CDYL: variants seen among roughly 807,000 people sequenced by gnomAD.
CDYL encodes chromodomain Y like, also known as chromodomain Y-like protein.
In CDYL, 8 loss-of-function variants were observed where a neutral mutation model predicts 47.3. That is an observed-to-expected ratio of 0.17 (90% confidence interval 0.10 to 0.31). The LOEUF is 0.31. Among genes scored for constraint, CDYL ranks in the 10% least tolerant of loss-of-function variants. The pLI is 1.00. For synonymous variants in CDYL, 266 were observed against 265.0 expected, an observed-to-expected ratio of 1.00 and a Z score of -0.04; for missense variants, 471 against 701.4, an observed-to-expected ratio of 0.67 and a Z score of 3.71.
At chr6:4,921,795 C>CT (rs200973635) in intron 2 of CDYL, among the ~76,000 whole-genome samples, 175 of 147,874 alleles carry the variant, frequency 1.2e-3, no homozygotes, top group Middle Eastern at 3.5e-3. Context: ...ATGCCATATA[C>CT]TTTTTTTTTT....
intron 3 of CDYL, among the ~76,000 whole-genome samples, chr6:4,756,044 C>T (rs935654595): frequency 1.3e-5 from 2 of 152,188 alleles, no homozygotes; most frequent in African/African-American, 2.4e-5. Flanking sequence ...AATATTGCCT[C>T]GTCCTGATTT....
intron 1 of CDYL, among the ~76,000 whole-genome samples, chr6:4,708,143 TGTACACACACAC>T (rs1195384847): frequency 3.4e-5 from 1 of 29,016 alleles, no homozygotes. Flanking sequence ...GTTTGTGTTG[TGTACACACACAC>T]ACACACACAC....
intron 1 of CDYL, among the ~76,000 whole-genome samples, chr6:4,857,540 C>T (rs774958036): frequency 1.3e-5 from 2 of 152,124 alleles, no homozygotes; most frequent in Non-Finnish European, 2.9e-5. Context: ...TTCTTTGTAG[C>T]TTTGTAGGCC....
At chr6:4,798,663 A>G (rs1227681631) in intron 1 of CDYL, among the ~76,000 whole-genome samples, 1 of 152,188 alleles carries the variant, frequency 6.6e-6, no homozygotes, top group African/African-American at 2.4e-5. Flanking sequence ...ATTTCACATC[A>G]CAGTTAATGC....
In CDYL at chr6:4,776,709, A is replaced by G; in HGVS notation, c.-75A>G. On this transcript the variant is annotated 5_prime_UTR_variant, in exon 1 of 7. Transcript: ENST00000397588. ...GCGCAGGCCACGCAGGACCCAACTG[A>G]AACAAAGTGTCGGCCGCCCGGCGCC... The G allele has an allele frequency of 8.0e-7, 1 of 1,257,686 alleles. No homozygotes were observed. The highest frequency in any genetic ancestry group is 1.0e-6 in the Non-Finnish European group (1 of 975,572). The allele number at this position is 1,257,686 out of a possible 1,614,324, so 77.9% of individuals were successfully genotyped here. A position where few individuals can be genotyped will look rare whatever the true frequency, so the allele number is the denominator to read the frequency against.
At chr6:4,923,176 C>T (rs551108870) in intron 2 of CDYL, among the ~76,000 whole-genome samples, 7 of 152,196 alleles carry the variant, frequency 4.6e-5, no homozygotes, top group African/African-American at 7.2e-5. Context: ...CTTATTCCTC[C>T]GGTCTAGCTT....
At chr6:4,953,641 G>C (rs1758777341) in intron 6 of CDYL, among the ~76,000 whole-genome samples, 1 of 152,206 alleles carries the variant, frequency 6.6e-6, no homozygotes, top group African/African-American at 2.4e-5. Flanking sequence ...CGGGGCCGAG[G>C]CTGCTCACAG....
intron 2 of CDYL, among the ~76,000 whole-genome samples, chr6:4,731,305 G>A (rs1417894479): frequency 6.6e-6 from 1 of 152,104 alleles, no homozygotes; most frequent in Non-Finnish European, 1.5e-5. Context: ...TCATCTTTAT[G>A]AGTAGTTAAG....
chr6:4,939,819 C>T (rs1295155678), intron 4 of CDYL, among the ~76,000 whole-genome samples: 1 of 152,232 alleles, frequency 6.6e-6, no homozygotes, highest in Non-Finnish European at 1.5e-5. Context: ...CCTATGGTCA[C>T]TTTGCATGTT....
intron 1 of CDYL, among the ~76,000 whole-genome samples, chr6:4,884,229 G>T (rs546801545): frequency 6.6e-6 from 1 of 152,314 alleles, no homozygotes; most frequent in South Asian, 2.1e-4. Flanking sequence ...ATGTCCAGAA[G>T]CTTCAGGAGA....
At chr6:4,725,591 G>T (rs547614501) in intron 2 of CDYL, among the ~76,000 whole-genome samples, 1 of 152,334 alleles carries the variant, frequency 6.6e-6, no homozygotes, top group African/African-American at 2.4e-5. Context: ...CACCTCCGGG[G>T]CTTGCGGGCG....
chr6:4,947,422 G>A (rs569784220), intron 5 of CDYL, among the ~76,000 whole-genome samples: 1 of 152,302 alleles, frequency 6.6e-6, no homozygotes, highest in Admixed American at 6.5e-5. Flanking sequence ...CCTGGGTGGA[G>A]CTTGTCCACT....
At chr6:4,907,842 G>A (rs924460542) in intron 2 of CDYL, among the ~76,000 whole-genome samples, 2 of 152,142 alleles carry the variant, frequency 1.3e-5, no homozygotes, top group Non-Finnish European at 2.9e-5. Flanking sequence ...AGTAGCTTTT[G>A]CCCTCCTCTA....
chr6:4,922,745 G>C (rs1204827645), intron 2 of CDYL, among the ~76,000 whole-genome samples: 1 of 152,180 alleles, frequency 6.6e-6, no homozygotes, highest in Non-Finnish European at 1.5e-5. Context: ...TCAGTGTTCT[G>C]ATCTGAACCA....
intron 2 of CDYL, among the ~76,000 whole-genome samples, chr6:4,913,338 G>A (rs1195738513): frequency 6.6e-6 from 1 of 152,190 alleles, no homozygotes; most frequent in East Asian, 1.9e-4. Context: ...TTGCTAATCT[G>A]AGCTTCTCTC....
chr6:4,905,539 G>C (rs1290166707), intron 2 of CDYL, among the ~76,000 whole-genome samples: 3 of 152,188 alleles, frequency 2.0e-5, no homozygotes, highest in African/African-American at 7.2e-5. Context: ...GTCGGTGGGA[G>C]AGGATGAACT....
intron 2 of CDYL, among the ~76,000 whole-genome samples, chr6:4,895,091 G>A (rs1415993743): frequency 1.4e-5 from 2 of 145,020 alleles, no homozygotes; most frequent in Non-Finnish European, 3.1e-5. Context: ...GCACATATAT[G>A]TACATGTGTG....
At chr6:4,845,164 T>G in intron 1 of CDYL, among the ~76,000 whole-genome samples, 1 of 152,242 alleles carries the variant, frequency 6.6e-6, no homozygotes, top group Non-Finnish European at 1.5e-5. Flanking sequence ...CAAACTTTGA[T>G]TTCAACAATT....
At chr6:4,927,458 T>C (rs1757911586) in intron 2 of CDYL, among the ~76,000 whole-genome samples, 1 of 151,640 alleles carries the variant, frequency 6.6e-6, no homozygotes, top group East Asian at 1.9e-4. Flanking sequence ...TGTGTGTGTG[T>C]GTCTTTTGAG....
Sources: gnomAD v4.1 joint callset for allele counts (sites outside exome capture counted in the v4.1 genomes callset) on GRCh38, gnomAD v4.1.1 for gene constraint, MANE v1.5 for transcripts, NCBI Gene and HGNC (gene_info 2026-07-23, HGNC 2026-07-21) for gene names.